PTPRK: variants seen among roughly 807,000 people sequenced by gnomAD.
The protein encoded by PTPRK is receptor-type tyrosine-protein phosphatase kappa.
A neutral mutation model predicts 178.0 loss-of-function variants in PTPRK; 75 were observed. The ratio of observed to expected loss-of-function variants is 0.42; its 90% CI spans 0.35 to 0.51. The LOEUF (loss-of-function observed/expected upper bound fraction) is 0.51. PTPRK is among the 20% of genes least tolerant of loss of function. The pLI, the probability that PTPRK is intolerant of heterozygous loss-of-function variation, is 0.02. For synonymous variants in PTPRK, 637 were observed against 620.6 expected (o/e 1.03, Z -0.39); for missense variants, 1,441 against 1,797.8 (o/e 0.80, Z 3.59).
At chr6:128,083,586 C>A in intron 9 of PTPRK, 129 bp downstream of exon 9, 1 of 441,142 alleles carries the variant, frequency 2.3e-6, no homozygotes, top group Non-Finnish European at 4.0e-6. Context: ...TAAATTAAAA[C>A]AAAGGAGAAT....
intron 3 of PTPRK, among the ~76,000 whole-genome samples, chr6:128,288,590 A>C (rs1822883926): frequency 6.6e-6 from 1 of 152,136 alleles, no homozygotes; most frequent in South Asian, 2.1e-4. Flanking sequence ...AATCAAACCA[A>C]AGATTTTAGA....
chr6:128,364,576 T>C (rs1244432741), intron 2 of PTPRK, among the ~76,000 whole-genome samples: 1 of 152,090 alleles, frequency 6.6e-6, no homozygotes, highest in African/African-American at 2.4e-5. Flanking sequence ...TAAGGCATTG[T>C]TAAGTAAGCT....
intron 1 of PTPRK, among the ~76,000 whole-genome samples, chr6:128,513,283 G>A (rs1304732986): frequency 3.3e-5 from 5 of 151,910 alleles, no homozygotes; most frequent in Admixed American, 2.0e-4. Flanking sequence ...TCAGGAGTTC[G>A]TGACCAGCCT....
Position 128,175,947 on chromosome 6 carries a change from C to T in PTPRK, c.1162+8485G>A, listed in dbSNP as rs1801002462. Among the ~76,000 whole-genome samples, 4 of 151,534 alleles carry T rather than the reference C, an allele frequency of 2.6e-5. No individual in the cohort carries two copies. In the South Asian group the frequency reaches 8.3e-4, roughly 31 times the overall value. On this transcript the variant is annotated intron_variant, in intron 7 of 29. Coordinates refer to ENST00000368226, the MANE Select transcript of PTPRK (RefSeq NM_002844.4). ...AAGAAAACTCTAAATCAGTATCTGC[C>T]CCCCACCCCAAATAAAAGCACAACA...
At chr6:128,234,316 C>T (rs775449460) in intron 5 of PTPRK, among the ~76,000 whole-genome samples, 5 of 152,176 alleles carry the variant, frequency 3.3e-5, no homozygotes, top group Non-Finnish European at 5.9e-5. Context: ...AAATGTGTCA[C>T]TTACTCATTT....
At chr6:128,168,936 G>A (rs1306036721) in intron 7 of PTPRK, among the ~76,000 whole-genome samples, 2 of 152,044 alleles carry the variant, frequency 1.3e-5, no homozygotes, top group South Asian at 4.1e-4. Context: ...GACATCGTGG[G>A]TAAACCTGGA....
intron 7 of PTPRK, among the ~76,000 whole-genome samples, chr6:128,182,930 G>A (rs1264470426): frequency 6.6e-6 from 1 of 152,096 alleles, no homozygotes; most frequent in Non-Finnish European, 1.5e-5. Flanking sequence ...AATAAAGCAG[G>A]TGAGATATTT....
At chr6:128,481,277 AACTGGCC>A (rs1852039892) in intron 1 of PTPRK, among the ~76,000 whole-genome samples, 2 of 152,174 alleles carry the variant, frequency 1.3e-5, no homozygotes, top group African/African-American at 4.8e-5. Flanking sequence ...TTCAACTGTT[AACTGGCC>A]ACTTCCCTTA....
chr6:127,982,556 G>A (rs1272776607), intron 24 of PTPRK, among the ~76,000 whole-genome samples: 1 of 152,204 alleles, frequency 6.6e-6, no homozygotes, highest in African/African-American at 2.4e-5. Context: ...TTGCAGGCAT[G>A]AGCCACTGCG....
chr6:128,371,195 C>T (rs1053931314), intron 2 of PTPRK, among the ~76,000 whole-genome samples: 9 of 152,168 alleles, frequency 5.9e-5, no homozygotes, highest in African/African-American at 1.9e-4. Context: ...TTTCCCTTTA[C>T]AATTATTATA....
At chr6:128,460,648 ACAAGT>A (rs1848942850) in intron 1 of PTPRK, among the ~76,000 whole-genome samples, 1 of 152,242 alleles carries the variant, frequency 6.6e-6, no homozygotes, top group South Asian at 2.1e-4. Flanking sequence ...AGTCACTGAC[ACAAGT>A]CAAGTGTCTA....
At chr6:128,256,498 A>C (rs1407213984) in intron 3 of PTPRK, among the ~76,000 whole-genome samples, 1 of 149,878 alleles carries the variant, frequency 6.7e-6, no homozygotes, top group African/African-American at 2.5e-5. Flanking sequence ...GTTGGAGTGC[A>C]GTGGCGATCT....
chr6:128,092,116 T>C (rs548684331), intron 7 of PTPRK, among the ~76,000 whole-genome samples: 5 of 152,198 alleles, frequency 3.3e-5, no homozygotes, highest in Admixed American at 6.5e-5. Context: ...ACACAATGTA[T>C]ATAAAGCACA....
chr6:128,057,356 G>A (rs879555440), intron 13 of PTPRK, among the ~76,000 whole-genome samples: 4 of 152,164 alleles, frequency 2.6e-5, no homozygotes, highest in Non-Finnish European at 4.4e-5. Context: ...CCGGGAACTC[G>A]GATTTGGGAG....
At chr6:128,169,912 A>G (rs1799997706) in intron 7 of PTPRK, among the ~76,000 whole-genome samples, 1 of 151,914 alleles carries the variant, frequency 6.6e-6, no homozygotes, top group Non-Finnish European at 1.5e-5. Flanking sequence ...ATGGGATAAT[A>G]CAGTTTACTT....
At chr6:128,214,196 T>C (rs2128268205) in intron 6 of PTPRK, among the ~76,000 whole-genome samples, 1 of 152,214 alleles carries the variant, frequency 6.6e-6, no homozygotes, top group African/African-American at 2.4e-5. Flanking sequence ...TTCTAATAGG[T>C]TTTGAATGCT....
chr6:128,131,484 C>T (rs1011332863), intron 7 of PTPRK, among the ~76,000 whole-genome samples: 1 of 152,092 alleles, frequency 6.6e-6, no homozygotes, highest in Admixed American at 6.5e-5. Flanking sequence ...AAACAGGTAG[C>T]CTATTAACTA....
chr6:127,973,198 C>G (rs776399168), intron 28 of PTPRK, 41 bp from the exon 29 acceptor site: 7 of 1,611,728 alleles, frequency 4.3e-6, no homozygotes, highest in African/African-American at 2.7e-5. Flanking sequence ...ATAGCAGCAC[C>G]AAGTGACCAC....
At chr6:128,282,123 A>G (rs1463801357) in intron 3 of PTPRK, among the ~76,000 whole-genome samples, 1 of 152,188 alleles carries the variant, frequency 6.6e-6, no homozygotes, top group Non-Finnish European at 1.5e-5. Flanking sequence ...CTACTAAAGC[A>G]TCTTAGGACT....
Sources: allele counts gnomAD v4.1 joint callset (sites outside exome capture counted in the v4.1 genomes callset), GRCh38; gene constraint gnomAD v4.1.1; transcripts MANE v1.5; gene names NCBI Gene and HGNC (gene_info 2026-07-23, HGNC 2026-07-21).